Variants in ACSF3 observed in about 807,000 individuals in gnomAD.
ACSF3 encodes the protein acyl-CoA synthetase family member 3, also known as malonate--CoA ligase ACSF3, mitochondrial.
ACSF3 carries 78 observed loss-of-function variants against 53.2 expected under a neutral mutation model. That is an observed-to-expected ratio of 1.47 (90% CI 1.22 to 1.77). ACSF3 has a LOEUF of 1.77. Ranked by LOEUF, ACSF3 falls within the 40% of genes most tolerant of loss-of-function variation. ACSF3 has a pLI of 0.00. For missense variants in ACSF3, 937 were observed against 771.1 expected (o/e 1.22, Z -2.55); for synonymous variants, 414 against 333.1 (o/e 1.24, Z -2.65).
In ACSF3 at chr16:89,099,994, A is replaced by T. The variant is rs568060051; in HGVS notation, c.-20-668A>T. Among the ~76,000 whole-genome samples the T allele has an allele frequency of 3.0e-4, 39 of 131,000 alleles. 1 individual carries two copies. In the East Asian group the frequency reaches 7.3e-3, roughly 25 times the overall value. The allele number at this position is 131,000 out of a possible 152,430, so 85.9% of individuals were successfully genotyped here. ...TGTCTCTACCAAAAAAAAAAAAAAA[A>T]GCTGGGTGTGGTATCACATGCTTGT... On this transcript the variant is annotated intron_variant, in intron 2 of 10. Coordinates refer to ENST00000614302, the MANE Select transcript of ACSF3 (RefSeq NM_001243279.3).
intron 9 of ACSF3, among the ~76,000 whole-genome samples, 169 bp downstream of exon 9, chr16:89,145,570 G>A (rs996799693): frequency 6.6e-6 from 1 of 152,210 alleles, no homozygotes; most frequent in Non-Finnish European, 1.5e-5. Context: ...GGCTAGTGGG[G>A]GTGCAGCCTG....
intron 9 of ACSF3, 89 bp downstream of exon 9, chr16:89,145,490 G>A (rs28729382): frequency 4.7e-5 from 70 of 1,494,782 alleles, no homozygotes; most frequent in Admixed American, 2.9e-4. Flanking sequence ...ATGAGTCGAC[G>A]CCGTCCCAGC....
chr16:89,125,818 C>T (rs1907920083), intron 7 of ACSF3, among the ~76,000 whole-genome samples: 1 of 152,264 alleles, frequency 6.6e-6, no homozygotes. Flanking sequence ...TGGTATGTCT[C>T]TCCATTTACT....
intron 10 of ACSF3, chr16:89,152,858 C>G (rs939238623): frequency 2.0e-5 from 3 of 152,076 alleles, no homozygotes; most frequent in Non-Finnish European, 2.9e-5. Context: ...CTGGCCCAGG[C>G]AACAGTGAGA....
At position 89,100,755 on chromosome 16, in the gene ACSF3, GAC is replaced by G; in HGVS notation, c.78_79del (p.His26GlnfsTer35). The G allele has an allele frequency of 6.2e-7, 1 of 1,608,014 alleles. No homozygotes were observed. The highest frequency in any genetic ancestry group is 1.1e-5 in the South Asian group (1 of 91,058). On this transcript the variant is annotated frameshift_variant, in exon 3 of 11. Transcript: ENST00000614302. LOFTEE classifies it high-confidence loss of function. Reference sequence around the variant, plus strand: ...GCGTCCTGCCGGCTGGCGCCTGCGAGACACAGAGGAAGTGGTCTTCTGCACAC... The same window carrying G: ...GCGTCCTGCCGGCTGGCGCCTGCGAGACAGAGGAAGTGGTCTTCTGCACAC...
At chr16:89,127,160 A>C (rs1439374381) in intron 7 of ACSF3, among the ~76,000 whole-genome samples, 1 of 152,040 alleles carries the variant, frequency 6.6e-6, no homozygotes, top group Non-Finnish European at 1.5e-5. Context: ...ATTCATAAGA[A>C]ATTTTGGTCT....
chr16:89,102,071 C>T (rs999825158), intron 3 of ACSF3, among the ~76,000 whole-genome samples: 2 of 152,224 alleles, frequency 1.3e-5, no homozygotes, highest in African/African-American at 4.8e-5. Flanking sequence ...CAGTGTCCTC[C>T]GTGAGATTGG....
intron 8 of ACSF3, among the ~76,000 whole-genome samples, chr16:89,136,314 T>A (rs1230428530): frequency 1.3e-5 from 2 of 152,092 alleles, no homozygotes; most frequent in Non-Finnish European, 2.9e-5. Context: ...TAGTAGAAAA[T>A]GATTTTGAAA....
At position 89,141,164 on chromosome 16, in the gene ACSF3, T is replaced by G. The variant is rs1251986378; in HGVS notation, c.1367-4103T>G. ...GGTGTCCGACCCGCTCTTGCTTGGC[T>G]GAGACTTTGTTTAAACCCTGGCTCC... On this transcript the variant is annotated intron_variant, in intron 8 of 10. Coordinates refer to ENST00000614302, the MANE Select transcript of ACSF3 (RefSeq NM_001243279.3). 2.3e-6 allele frequency: 3 copies of G among 1,287,132 alleles called. No individual in the cohort carries two copies. The African/African-American group carries it at 4.6e-5, about 20-fold the overall frequency. The allele number at this position is 1,287,132 out of a possible 1,614,324, so 79.7% of individuals were successfully genotyped here.
intron 8 of ACSF3, among the ~76,000 whole-genome samples, chr16:89,136,202 G>T (rs1261146269): frequency 6.6e-6 from 1 of 152,286 alleles, no homozygotes; most frequent in Non-Finnish European, 1.5e-5. Flanking sequence ...AGCCGTGTGA[G>T]ATGCGGGGCT....
At chr16:89,127,487 A>T (rs1908379021) in intron 7 of ACSF3, among the ~76,000 whole-genome samples, 1 of 152,042 alleles carries the variant, frequency 6.6e-6, no homozygotes, top group Non-Finnish European at 1.5e-5. Flanking sequence ...TCAGCCTCCC[A>T]AGTAGCTGGG....
At chr16:89,115,771 G>A (rs1426600501) in intron 6 of ACSF3, among the ~76,000 whole-genome samples, 3 of 152,214 alleles carry the variant, frequency 2.0e-5, no homozygotes, top group Non-Finnish European at 2.9e-5. Flanking sequence ...GTGGTGTCTC[G>A]TTGAGTTCAT....
chr16:89,114,725 T>C, intron 6 of ACSF3: 1 of 618,868 alleles, frequency 1.6e-6, no homozygotes. Context: ...TGCTGGCCCC[T>C]GGCTGTATGA....
chr16:89,120,968 C>T (rs1009916270), intron 7 of ACSF3, 55 bp downstream of exon 7: 25 of 1,529,966 alleles, frequency 1.6e-5, no homozygotes, highest in African/African-American at 5.5e-5. Context: ...CTAGGCCCCC[C>T]AGGGTGGTTA....
At chr16:89,116,211 C>T (rs1001497891) in intron 6 of ACSF3, among the ~76,000 whole-genome samples, 4 of 152,224 alleles carry the variant, frequency 2.6e-5, no homozygotes, top group South Asian at 4.1e-4. Flanking sequence ...CCTTCTCCAT[C>T]GAACAGCCCT....
intron 10 of ACSF3, chr16:89,149,640 T>G (rs1369170531): frequency 6.6e-6 from 1 of 152,226 alleles, no homozygotes; most frequent in African/African-American, 2.4e-5. Flanking sequence ...AAGAATTTTA[T>G]TGAGCAATGA....
chr16:89,142,966 G>A (rs1036211346), intron 8 of ACSF3, among the ~76,000 whole-genome samples: 3 of 152,110 alleles, frequency 2.0e-5, no homozygotes, highest in African/African-American at 4.8e-5. Flanking sequence ...GTTATTGCGC[G>A]ATCATAATCC....
chr16:89,154,241 G>A lies in ACSF3; in HGVS notation c.*34G>A. 1 of 1,593,152 alleles carries A rather than the reference G, an allele frequency of 6.3e-7. No homozygotes were observed. ...ACTGGGACTGCGGGTCTGGTGGGGAGCAGCAGACGTCCCCTTCACACCGAG... is the reference window on the plus strand; with the variant it reads ...ACTGGGACTGCGGGTCTGGTGGGGAACAGCAGACGTCCCCTTCACACCGAG... On this transcript the variant is annotated 3_prime_UTR_variant, in exon 11 of 11. Transcript: ENST00000614302.
chr16:89,106,925 C>G (rs951441051), intron 4 of ACSF3, among the ~76,000 whole-genome samples: 4 of 152,182 alleles, frequency 2.6e-5, no homozygotes, highest in Admixed American at 2.6e-4. Flanking sequence ...GGATGTGCAG[C>G]CACAGCCTCT....
Sources: gnomAD v4.1 joint callset for allele counts (sites outside exome capture counted in the v4.1 genomes callset) on GRCh38, gnomAD v4.1.1 for gene constraint, MANE v1.5 for transcripts, NCBI Gene and HGNC (gene_info 2026-07-23, HGNC 2026-07-21) for gene names.